REPS1: variants seen among roughly 807,000 people sequenced by gnomAD.
REPS1 encodes the protein ralBP1-associated Eps domain-containing protein 1.
REPS1 carries 39 observed loss-of-function variants against 100.9 expected under a neutral mutation model. The ratio of observed to expected loss-of-function variants is 0.39; its 90% confidence interval spans 0.30 to 0.50. REPS1 has a LOEUF of 0.50. Among genes scored for constraint, REPS1 ranks in the 20% least tolerant of loss-of-function variants. The pLI is 0.86. For synonymous variants in REPS1, 324 were observed against 340.3 expected, an observed-to-expected ratio of 0.95 and a Z score of 0.53; for missense variants, 821 against 968.5, an observed-to-expected ratio of 0.85 and a Z score of 2.02.
chr6:138,981,368 TAC>T (rs57336029), intron 1 of REPS1, among the ~76,000 whole-genome samples: 1 of 152,304 alleles, frequency 6.6e-6, no homozygotes, highest in East Asian at 1.9e-4. Flanking sequence ...ACAAATTTCT[TAC>T]ACAGAGGGAA....
At chr6:138,963,603 T>C (rs1783858592) in intron 1 of REPS1, among the ~76,000 whole-genome samples, 1 of 152,196 alleles carries the variant, frequency 6.6e-6, no homozygotes, top group Non-Finnish European at 1.5e-5. Context: ...GTTTGCTTTG[T>C]CCAAGTGGTT....
chr6:138,953,330 A>C (rs1345768435), intron 1 of REPS1, among the ~76,000 whole-genome samples: 1 of 152,184 alleles, frequency 6.6e-6, no homozygotes, highest in Non-Finnish European at 1.5e-5. Flanking sequence ...AACAAAAGCA[A>C]AAATAAACAA....
chr6:138,976,119 T>C (rs999625749), intron 1 of REPS1, among the ~76,000 whole-genome samples: 1 of 152,178 alleles, frequency 6.6e-6, no homozygotes, highest in Admixed American at 6.5e-5. Context: ...TAATATACAG[T>C]ATCAATAAAC....
intron 1 of REPS1, among the ~76,000 whole-genome samples, chr6:138,985,617 T>C (rs2128519010): frequency 6.6e-6 from 1 of 152,378 alleles, no homozygotes; most frequent in Admixed American, 6.5e-5. Flanking sequence ...CTATTTAGTA[T>C]ACATAACTGT....
intron 2 of REPS1, among the ~76,000 whole-genome samples, chr6:138,947,027 TCCCCC>T (rs1782658190): frequency 1.6e-5 from 2 of 126,346 alleles, no homozygotes; most frequent in African/African-American, 6.1e-5. Context: ...CTGTGGCTAT[TCCCCC>T]TTGCTCTCTC....
At chr6:138,910,729 A>G (rs951894490) in intron 17 of REPS1, among the ~76,000 whole-genome samples, 1 of 152,202 alleles carries the variant, frequency 6.6e-6, no homozygotes, top group Admixed American at 6.5e-5. Flanking sequence ...CACAGACATA[A>G]AACATATAAG....
intron 1 of REPS1, among the ~76,000 whole-genome samples, chr6:138,952,803 T>C (rs9399261): frequency 0.74 from 111,665 of 151,626 alleles, 42,464 homozygotes; most frequent in East Asian, 1. Context: ...ATATGAAATA[T>C]GGAGATACAG....
intron 8 of REPS1, among the ~76,000 whole-genome samples, chr6:138,935,789 G>C (rs1781771071): frequency 6.9e-6 from 1 of 144,704 alleles, no homozygotes. Context: ...GGGAGGGGGA[G>C]GTTGCAGTGA....
In REPS1 at chr6:138,944,472, A is replaced by T. The variant is rs780799612; in HGVS notation, c.753+26T>A. 1.9e-6 allele frequency: 3 copies of T among 1,605,686 alleles called. No homozygotes were observed. The South Asian group carries it at 3.3e-5, about 18-fold the overall frequency. On this transcript the variant is annotated intron_variant, in intron 5 of 19. Coordinates refer to ENST00000450536, the MANE Select transcript of REPS1 (RefSeq NM_001286611.2). ...CAATACTCTGAATGAAGCAAATAAA[A>T]ATGCAATACCAATAAAATGTCACAC...
At chr6:138,962,193 T>C (rs915508923) in intron 1 of REPS1, among the ~76,000 whole-genome samples, 1 of 152,152 alleles carries the variant, frequency 6.6e-6, no homozygotes, top group Admixed American at 6.5e-5. Flanking sequence ...ACTGCAATAA[T>C]GTCCCTTTGT....
In REPS1 at chr6:138,929,818, G is replaced by A. The variant is rs543343224; in HGVS notation, c.1257+159C>T. The A allele has an allele frequency of 2.1e-5, 14 of 677,270 alleles. No homozygotes were observed. In the South Asian group the frequency reaches 2.4e-4, roughly 12 times the overall value. 42.0% of individuals were successfully genotyped at this position (677,270 alleles called of 1,614,324 possible). The stretch of plus-strand genomic sequence containing the variant: ...ACAGAATATATACTTTGAAAACCTC[G>A]AAAAAGTCACATAATTACAAACATT... On this transcript the variant is annotated intron_variant, in intron 9 of 19. Coordinates refer to ENST00000450536, the MANE Select transcript of REPS1 (RefSeq NM_001286611.2).
intron 8 of REPS1, among the ~76,000 whole-genome samples, chr6:138,940,721 GGT>G (rs1009639222): frequency 7.3e-5 from 11 of 151,118 alleles, no homozygotes; most frequent in Middle Eastern, 6.8e-3. Context: ...ACTCCAGCCT[GGT>G]GACAGAACGA....
intron 8 of REPS1, among the ~76,000 whole-genome samples, chr6:138,938,400 T>C (rs1357190501): frequency 6.6e-6 from 1 of 152,208 alleles, no homozygotes; most frequent in Non-Finnish European, 1.5e-5. Flanking sequence ...GTATAGAATA[T>C]TTGTGGAACT....
Position 138,943,951 on chromosome 6 carries a change from C to T in REPS1, c.818G>A (p.Ser273Asn), listed in dbSNP as rs1782435629. 6.2e-7 allele frequency: 1 copy of T among 1,613,670 alleles called. No individual in the cohort carries two copies. Reference sequence around the variant, plus strand: ...TATTTTCCAGGGATCATCATAACTACTGGATTGCCTACGAATTTCAATGGC... The same window carrying T: ...TATTTTCCAGGGATCATCATAACTATTGGATTGCCTACGAATTTCAATGGC... ...TTAIEIRRQS[S>N]SYDDPWKITD... The change falls in exon 6 of 20, where the codon AGT (serine) becomes AAT (asparagine). Residue 273 changes from serine (S) to asparagine (N), a missense_variant. Physicochemically the swap from Ser to Asn is conservative, Grantham distance 46. Transcript: ENST00000450536.
At chr6:138,928,883 A>T (rs1452477113) in intron 9 of REPS1, 3 of 152,204 alleles carry the variant, frequency 2.0e-5, no homozygotes, top group Admixed American at 2.0e-4. Context: ...CACTTGTATT[A>T]ATGGTTTTGC....
At chr6:138,929,066 T>C (rs1464105760) in intron 9 of REPS1, 4 of 152,152 alleles carry the variant, frequency 2.6e-5, no homozygotes, top group Non-Finnish European at 5.9e-5. Flanking sequence ...TTTCTGGCTT[T>C]AAAAGGCATG....
chr6:138,930,028 T>C lies in REPS1; in HGVS notation c.1206A>G (p.Pro402=). ...ATGTCTGGTTTAGTGATGGCATCGATGGTGACTTGCTTGGAGGAGCTTCAG... is the reference window on the plus strand; with the variant it reads ...ATGTCTGGTTTAGTGATGGCATCGACGGTGACTTGCTTGGAGGAGCTTCAG... ...SPAEAPPSKS[P]SMPSLNQTWP... The change falls in exon 9 of 20, where the codon CCA becomes CCG. Residue 402 remains proline, a synonymous_variant. Coordinates refer to ENST00000450536, the MANE Select transcript of REPS1 (RefSeq NM_001286611.2). 6.2e-7 allele frequency: 1 copy of C among 1,613,812 alleles called. No individual in the cohort carries two copies. Among genetic ancestry groups the C allele is most frequent in the Non-Finnish European group, 8.5e-7 (1 of 1,179,754 alleles).
intron 17 of REPS1, among the ~76,000 whole-genome samples, chr6:138,910,725 C>T (rs183776541): frequency 1.5e-4 from 23 of 152,222 alleles, no homozygotes; most frequent in African/African-American, 4.8e-4. Flanking sequence ...CTAACACAGA[C>T]ATAAAACATA....
At chr6:138,977,789 G>A (rs1157496579) in intron 1 of REPS1, among the ~76,000 whole-genome samples, 1 of 152,158 alleles carries the variant, frequency 6.6e-6, no homozygotes, top group African/African-American at 2.4e-5. Context: ...TGGTTGCTAT[G>A]GCAAATTTAT....
Sources: allele counts gnomAD v4.1 joint callset (sites outside exome capture counted in the v4.1 genomes callset), GRCh38; gene constraint gnomAD v4.1.1; transcripts MANE v1.5; gene names NCBI Gene and HGNC (gene_info 2026-07-23, HGNC 2026-07-21).